Variants in VSX2 observed in about 807,000 individuals in gnomAD.
VSX2 encodes the protein visual system homeobox 2, also known as ceh-10 homeo domain containing homolog.
In VSX2, 28 loss-of-function variants were observed where a neutral mutation model predicts 32.1. The observed-to-expected ratio is 0.87, with a 90% confidence interval of 0.65 to 1.20. The LOEUF is 1.20. Among genes scored for constraint, VSX2 ranks in the 50% most tolerant of loss-of-function variants. The probability of loss-of-function intolerance (pLI) is 0.00; values close to 1 mark genes in which losing one functional copy is unlikely to be tolerated. For missense variants in VSX2, 506 were observed against 488.7 expected (o/e 1.04, Z -0.33); for synonymous variants, 243 against 214.1 (o/e 1.14, Z -1.18).
Position 74,259,576 on chromosome 14 carries a change from C to G in VSX2, c.580-26C>G. 5.6e-6 allele frequency: 9 copies of G among 1,614,136 alleles called. No individual in the cohort carries two copies. In the Middle Eastern group the frequency reaches 1.5e-3, roughly 267 times the overall value. Reference sequence around the variant, plus strand: ...GGGCCCAGCACCTCTCAGAGCAAGCCTCTGACCTGTTCTGTGCACCTGCAG... The same window carrying G: ...GGGCCCAGCACCTCTCAGAGCAAGCGTCTGACCTGTTCTGTGCACCTGCAG... On this transcript the variant is annotated intron_variant, in intron 3 of 4. Coordinates refer to ENST00000261980, the MANE Select transcript of VSX2 (RefSeq NM_182894.3).
Position 74,259,500 on chromosome 14 carries a change from A to G in VSX2, c.580-102A>G, listed in dbSNP as rs568000841. The G allele has an allele frequency of 5.1e-5, 74 of 1,454,046 alleles. No homozygotes were observed. In the African/African-American group the frequency reaches 9.1e-4, roughly 18 times the overall value. The allele number at this position is 1,454,046 out of a possible 1,614,324, so 90.1% of individuals were successfully genotyped here. A position where few individuals can be genotyped will look rare whatever the true frequency, so the allele number is the denominator to read the frequency against. On this transcript the variant is annotated intron_variant, in intron 3 of 4. Coordinates refer to ENST00000261980, the MANE Select transcript of VSX2 (RefSeq NM_182894.3). Reference sequence around the variant, plus strand: ...TGGAGTAGGCGAGCTTAGGTTAAGGACGCCCTGCTGGAGAAATCTTCACTC... The same window carrying G: ...TGGAGTAGGCGAGCTTAGGTTAAGGGCGCCCTGCTGGAGAAATCTTCACTC...
At chr14:74,251,032 C>T (rs1023036776) in intron 3 of VSX2, among the ~76,000 whole-genome samples, 5 of 151,780 alleles carry the variant, frequency 3.3e-5, no homozygotes, top group Non-Finnish European at 7.4e-5. Flanking sequence ...CAAACATCTT[C>T]GGCAGGTCAC....
chr14:74,251,149 T>A lies in VSX2; in HGVS notation c.579+5861T>A, dbSNP rs553157209. ...GACCAACATGATGAAACCTCGTCTC[T>A]ACTAAAAATACAAAATTACGCCGGG... On this transcript the variant is annotated intron_variant, in intron 3 of 4. Transcript: ENST00000261980. Among the ~76,000 whole-genome samples the A allele has an allele frequency of 4.6e-5, 7 of 152,110 alleles. No homozygotes were observed. In the East Asian group the frequency reaches 1.4e-3, roughly 30 times the overall value.
intron 3 of VSX2, among the ~76,000 whole-genome samples, chr14:74,245,526 G>C (rs1466332198): frequency 6.6e-6 from 1 of 152,132 alleles, no homozygotes; most frequent in East Asian, 1.9e-4. Flanking sequence ...GCTTCCCGGG[G>C]AGTATGTCAG....
chr14:74,244,967 TGTGTGTGTGTGTGTGAGAGAGA>T (rs2079180256), intron 2 of VSX2, among the ~76,000 whole-genome samples, 176 bp from the exon 3 acceptor site: 1 of 83,546 alleles, frequency 1.2e-5, no homozygotes, highest in African/African-American at 4.6e-5. Context: ...TGTGTGTGTG[TGTGTGTGTGTGTGTGAGAGAGA>T]GAGAGAGAGA....
chr14:74,256,020 A>G (rs1249416429), intron 3 of VSX2, among the ~76,000 whole-genome samples: 1 of 152,236 alleles, frequency 6.6e-6, no homozygotes, highest in Non-Finnish European at 1.5e-5. Context: ...TATGCATCAC[A>G]TCTTTTTTCT....
chr14:74,259,884 CAGCCT>C lies in VSX2; in HGVS notation c.760+106_760+110del, dbSNP rs746573932. On this transcript the variant is annotated intron_variant, in intron 4 of 4. Coordinates refer to ENST00000261980, the MANE Select transcript of VSX2 (RefSeq NM_182894.3). ...TGAGGCAGGGGCACTTGGGCCACAG[CAGCCT>C]AGCAGGAGAGAAATTCTTCAAAGCA... is the stretch of plus-strand genomic sequence containing the variant. 7 of 1,239,958 alleles carry C rather than the reference CAGCCT, an allele frequency of 5.6e-6. 1 individual carries two copies. The highest frequency in any genetic ancestry group is 7.7e-6 in the Non-Finnish European group (7 of 903,626). The allele number at this position is 1,239,958 out of a possible 1,614,324, so 76.8% of individuals were successfully genotyped here.
At chr14:74,240,369 A>T (rs2079141186) in intron 1 of VSX2, among the ~76,000 whole-genome samples, 1 of 152,076 alleles carries the variant, frequency 6.6e-6, no homozygotes, top group African/African-American at 2.4e-5. Flanking sequence ...TGGTGTCCAA[A>T]GTTGTCTGAT....
intron 3 of VSX2, among the ~76,000 whole-genome samples, chr14:74,257,101 GC>G (rs879305120): frequency 9.9e-5 from 15 of 152,134 alleles, no homozygotes; most frequent in Non-Finnish European, 1.6e-4. Flanking sequence ...CAAACCGCAG[GC>G]CCCGGGTAAC....
intron 3 of VSX2, among the ~76,000 whole-genome samples, chr14:74,248,662 G>C (rs2079210362): frequency 6.6e-6 from 1 of 151,358 alleles, no homozygotes; most frequent in South Asian, 2.1e-4. Context: ...CTGCACTCTA[G>C]CCTGGGTGAC....
chr14:74,244,927 TGTGAAAGA>T (rs2079177411), intron 2 of VSX2, among the ~76,000 whole-genome samples: 1 of 39,272 alleles, frequency 2.5e-5, no homozygotes, highest in African/African-American at 7.3e-5. Context: ...TGTGTGTGTG[TGTGAAAGA>T]GAGAGAGAAA....
In VSX2 at chr14:74,248,345, A is replaced by C. The variant is rs1354312481; in HGVS notation, c.579+3057A>C. 3.7e-3 allele frequency among the ~76,000 whole-genome samples: 518 copies of C among 139,482 alleles called. 3 individuals are homozygous for C. The highest frequency in any genetic ancestry group is 6.8e-3 in the Admixed American group (96 of 14,112). The allele number at this position is 139,482 out of a possible 152,430, so 91.5% of individuals were successfully genotyped here. A position where few individuals can be genotyped will look rare whatever the true frequency, so the allele number is the denominator to read the frequency against. ...GTTTGAGACCAGGCTAAAAAAAAAA[A>C]AAAAAACAAAAAAAACCAAAAACGA... On this transcript the variant is annotated intron_variant, in intron 3 of 4. Transcript: ENST00000261980.
Position 74,260,953 on chromosome 14 carries a change from C to A in VSX2, c.*34C>A, listed in dbSNP as rs770314618. On this transcript the variant is annotated 3_prime_UTR_variant, in exon 5 of 5. Coordinates refer to ENST00000261980, the MANE Select transcript of VSX2 (RefSeq NM_182894.3). ...GCGCTCAGATGCCGGAGCCCCAAGA[C>A]TCTGCTCTCCTCGGGCCCTGTGGTG... 1.6e-4 allele frequency: 254 copies of A among 1,547,236 alleles called. No homozygotes were observed. Among genetic ancestry groups the A allele is most frequent in the Non-Finnish European group, 7.9e-5 (90 of 1,145,746 alleles).
Position 74,239,590 on chromosome 14 carries a change from G to T in VSX2, c.29G>T (p.Ser10Ile). 1.3e-6 allele frequency: 2 copies of T among 1,551,420 alleles called. No individual in the cohort carries two copies. The highest frequency in any genetic ancestry group is 1.7e-4 in the Middle Eastern group (1 of 5,992). ...ACGGGGAAAGCAGGGGAAGCGCTGA[G>T]CAAGCCCAAATCCGAGACAGTGGCC... MTGKAGEAL[S>I]KPKSETVAKS... is the part of the protein sequence containing the mutation. The change falls in exon 1 of 5, where the codon AGC (serine) becomes ATC (isoleucine). Residue 10 changes from serine (S) to isoleucine (I), a missense_variant. By Grantham distance (142) the Ser-to-Ile change is moderately radical. Coordinates refer to ENST00000261980, the MANE Select transcript of VSX2 (RefSeq NM_182894.3).
intron 3 of VSX2, among the ~76,000 whole-genome samples, chr14:74,257,141 A>C (rs891735733): frequency 1.3e-5 from 2 of 151,760 alleles, no homozygotes; most frequent in Non-Finnish European, 2.9e-5. Flanking sequence ...ATCCTGCAGC[A>C]CAGGCCCGCG....
At position 74,261,158 on chromosome 14, in the gene VSX2, G is replaced by T. The variant is rs2079304838; in HGVS notation, c.*239G>T. On this transcript the variant is annotated 3_prime_UTR_variant, in exon 5 of 5. Coordinates refer to ENST00000261980, the MANE Select transcript of VSX2 (RefSeq NM_182894.3). Reference sequence around the variant, plus strand: ...GCATCCCAGCCTCAGAAGCCTTCTTGCTGCCCACAACGTCCCCTCAAGCCC... The same window carrying T: ...GCATCCCAGCCTCAGAAGCCTTCTTTCTGCCCACAACGTCCCCTCAAGCCC... 5.2e-6 allele frequency: 3 copies of T among 572,402 alleles called. No individual in the cohort carries two copies. Among genetic ancestry groups the T allele is most frequent in the East Asian group, 2.8e-5 (1 of 35,184 alleles). 35.5% of individuals were successfully genotyped at this position (572,402 alleles called of 1,614,324 possible). A position where few individuals can be genotyped will look rare whatever the true frequency, so the allele number is the denominator to read the frequency against.
intron 3 of VSX2, 99 bp downstream of exon 3, chr14:74,245,387 A>C (rs1479591486): frequency 2.6e-6 from 4 of 1,516,112 alleles, no homozygotes; most frequent in Non-Finnish European, 2.7e-6. Context: ...TCCCAGCCCC[A>C]CTGTGGGCAT....
rs766522793 is a variant in VSX2, at chr14:74,260,707, G to A, written c.874G>A (p.Ala292Thr). Residue 292 changes from alanine to threonine, a missense_variant, in exon 5 of 5, where the codon GCT (alanine) becomes ACT (threonine). Transcript: ENST00000261980. ...GGAGCAGGACGAGCGGGGCCCCGAC[G>A]CTCAGGCGGCCATCTCCCAGGAGGA... ...KMEQDERGPD[A>T]QAAISQEELR... The A allele has an allele frequency of 1.2e-5, 19 of 1,593,436 alleles. No individual in the cohort carries two copies. Among genetic ancestry groups the A allele is most frequent in the Non-Finnish European group, 1.5e-5 (18 of 1,170,536 alleles).
At chr14:74,247,518 T>C (rs1167686280) in intron 3 of VSX2, among the ~76,000 whole-genome samples, 1 of 152,220 alleles carries the variant, frequency 6.6e-6, no homozygotes, top group East Asian at 1.9e-4. Context: ...GATCTGATCT[T>C]ATTAAGTCCT....
Sources: gnomAD v4.1 joint callset for allele counts (sites outside exome capture counted in the v4.1 genomes callset) on GRCh38, gnomAD v4.1.1 for gene constraint, MANE v1.5 for transcripts, NCBI Gene and HGNC (gene_info 2026-07-23, HGNC 2026-07-21) for gene names.